CYBRD1: variants seen among roughly 807,000 people sequenced by gnomAD.
CYBRD1 encodes plasma membrane ascorbate-dependent reductase CYBRD1.
CYBRD1 carries 14 observed loss-of-function variants against 21.9 expected under a neutral mutation model. The ratio of observed to expected loss-of-function variants is 0.64; its 90% CI spans 0.42 to 1.00. The LOEUF is 1.00. Among genes scored for constraint, CYBRD1 ranks in the 50% least tolerant of loss-of-function variants. The pLI is 0.00. For synonymous variants in CYBRD1, 146 were observed against 136.5 expected, an observed-to-expected ratio of 1.07 and a Z score of -0.48; for missense variants, 328 against 352.5, an observed-to-expected ratio of 0.93 and a Z score of 0.56.
At chr2:171,553,272 T>C (rs1459754516) in intron 2 of CYBRD1, 74 bp from the exon 3 acceptor site, 13 of 1,544,140 alleles carry the variant, frequency 8.4e-6, no homozygotes, top group African/African-American at 1.4e-5. Context: ...ATTACACATA[T>C]TGCTTTTTAA....
intron 2 of CYBRD1, among the ~76,000 whole-genome samples, chr2:171,546,492 A>AT (rs1464300517): frequency 2.0e-5 from 3 of 152,058 alleles, no homozygotes; most frequent in Non-Finnish European, 2.9e-5. Flanking sequence ...AAGAACATGC[A>AT]TTTTTTGTCA....
At chr2:171,545,236 C>T (rs936260073) in intron 2 of CYBRD1, among the ~76,000 whole-genome samples, 2 of 151,744 alleles carry the variant, frequency 1.3e-5, no homozygotes, top group Admixed American at 6.6e-5. Context: ...AAGAATGCTT[C>T]TAATATTTTA....
At chr2:171,533,859 C>T (rs1363451926) in intron 1 of CYBRD1, among the ~76,000 whole-genome samples, 1 of 150,244 alleles carries the variant, frequency 6.7e-6, no homozygotes, top group Non-Finnish European at 1.5e-5. Flanking sequence ...TGTGAGCCAC[C>T]ATGCCCGGCT....
In CYBRD1 at chr2:171,522,529, C is replaced by G; in HGVS notation, c.-17C>G. The G allele has an allele frequency of 6.3e-7, 1 of 1,584,078 alleles. No homozygotes were observed. Among genetic ancestry groups the G allele is most frequent in the Non-Finnish European group, 8.6e-7 (1 of 1,166,338 alleles). The stretch of plus-strand genomic sequence containing the variant: ...CCAAGTTCTTGTGGCCCCCGCGGTG[C>G]GGAGTATGGGGCGCTGATGGCCATG... On this transcript the variant is annotated 5_prime_UTR_variant, in exon 1 of 4. Coordinates refer to ENST00000321348, the MANE Select transcript of CYBRD1 (RefSeq NM_024843.4). The surrounding 1 kb of genome is among the most constrained non-coding windows in gnomAD (Gnocchi z 4.3).
chr2:171,545,175 T>G (rs980330327), intron 2 of CYBRD1, among the ~76,000 whole-genome samples: 2 of 151,918 alleles, frequency 1.3e-5, no homozygotes, highest in African/African-American at 4.8e-5. Flanking sequence ...TGACTATTTT[T>G]TATTTTAAAG....
chr2:171,523,111 C>T (rs1697333270), intron 1 of CYBRD1: 1 of 330,704 alleles, frequency 3.0e-6, no homozygotes, highest in Non-Finnish European at 6.0e-6. Flanking sequence ...TGCCGGAGCG[C>T]CGCGCAGTCG....
intron 2 of CYBRD1, among the ~76,000 whole-genome samples, chr2:171,547,839 G>A (rs559021753): frequency 5.9e-5 from 9 of 152,184 alleles, no homozygotes; most frequent in Admixed American, 3.9e-4. Context: ...ATAGAGGTTT[G>A]CTGAGCAGGG....
At chr2:171,530,854 C>T (rs761588430) in intron 1 of CYBRD1, among the ~76,000 whole-genome samples, 1 of 152,058 alleles carries the variant, frequency 6.6e-6, no homozygotes, top group Non-Finnish European at 1.5e-5. Flanking sequence ...AAATTTTTCC[C>T]TTAAAAGGTA....
At chr2:171,537,196 G>C (rs1697558146) in intron 1 of CYBRD1, among the ~76,000 whole-genome samples, 1 of 152,100 alleles carries the variant, frequency 6.6e-6, no homozygotes, top group Non-Finnish European at 1.5e-5. Context: ...TAATAAATGA[G>C]CCCAACACAG....
Position 171,555,088 on chromosome 2 carries a change from C to T in CYBRD1, c.*261C>T, listed in dbSNP as rs886090714. 1.8e-5 allele frequency: 9 copies of T among 498,396 alleles called. No homozygotes were observed. The highest frequency in any genetic ancestry group is 1.5e-4 in the East Asian group (4 of 26,558). 30.9% of individuals were successfully genotyped at this position (498,396 alleles called of 1,614,324 possible). ...CTTGTTGAGGACCACAACATTAGCACGGTGCCTTGTGCAGAATAGATACTC... is the reference window on the plus strand; with the variant it reads ...CTTGTTGAGGACCACAACATTAGCATGGTGCCTTGTGCAGAATAGATACTC... On this transcript the variant is annotated 3_prime_UTR_variant, in exon 4 of 4. Coordinates refer to ENST00000321348, the MANE Select transcript of CYBRD1 (RefSeq NM_024843.4).
At chr2:171,530,308 T>C (rs1697446178) in intron 1 of CYBRD1, among the ~76,000 whole-genome samples, 1 of 152,264 alleles carries the variant, frequency 6.6e-6, no homozygotes, top group South Asian at 2.1e-4. Flanking sequence ...ATATAGGCTA[T>C]AACAGTTATC....
chr2:171,552,777 T>C (rs778814886), intron 2 of CYBRD1, among the ~76,000 whole-genome samples: 2 of 152,362 alleles, frequency 1.3e-5, no homozygotes, highest in South Asian at 2.1e-4. Flanking sequence ...GCAGAATTCA[T>C]TTCTTTCTCA....
upstream of CYBRD1, chr2:171,522,424 C>G: frequency 6.6e-7 from 1 of 1,513,232 alleles, no homozygotes. This position sits in a 1 kb window ranked among gnomAD's most constrained non-coding sequence, Gnocchi z 4.3. Flanking sequence ...AAGTCCCTCC[C>G]CGCAGGCGGA....
At chr2:171,546,021 A>C (rs1430302573) in intron 2 of CYBRD1, among the ~76,000 whole-genome samples, 1 of 152,174 alleles carries the variant, frequency 6.6e-6, no homozygotes, top group Non-Finnish European at 1.5e-5. Flanking sequence ...TTGCTGTCTG[A>C]AATATCCAGA....
chr2:171,554,705 G>C lies in CYBRD1; in HGVS notation c.739G>C (p.Gly247Arg), dbSNP rs200587251. 5.0e-6 allele frequency: 8 copies of C among 1,614,022 alleles called. No homozygotes were observed. The part of the protein sequence containing the change: ...PNGGTEQGAR[G>R]SMPAYSGNNM... ...TGGAGGCACTGAACAGGGAGCAAGAGGTTCCATGCCAGCCTACTCTGGCAA... is the reference window on the plus strand; with the variant it reads ...TGGAGGCACTGAACAGGGAGCAAGACGTTCCATGCCAGCCTACTCTGGCAA... The change falls in exon 4 of 4, where the codon GGT becomes CGT. Residue 247 changes from glycine to arginine, a missense_variant. Physicochemically the swap from Gly to Arg is moderately radical, Grantham distance 125. Transcript: ENST00000321348.
intron 2 of CYBRD1, among the ~76,000 whole-genome samples, chr2:171,545,934 A>C (rs984076539): frequency 2.6e-5 from 4 of 152,196 alleles, no homozygotes; most frequent in African/African-American, 9.7e-5. Flanking sequence ...TTAACATCTT[A>C]ATGTAGTCAA....
intron 1 of CYBRD1, among the ~76,000 whole-genome samples, chr2:171,530,244 T>C (rs187870370): frequency 6.6e-6 from 1 of 152,330 alleles, no homozygotes; most frequent in Admixed American, 6.5e-5. Flanking sequence ...AATAAATATG[T>C]TGTTTTAAGT....
At chr2:171,528,991 C>T (rs866213617) in intron 1 of CYBRD1, among the ~76,000 whole-genome samples, 5 of 152,184 alleles carry the variant, frequency 3.3e-5, no homozygotes, top group South Asian at 2.1e-4. Context: ...TGTCTGTCTT[C>T]TCCTACTAGA....
At chr2:171,547,056 G>A (rs180741817) in intron 2 of CYBRD1, among the ~76,000 whole-genome samples, 66 of 152,308 alleles carry the variant, frequency 4.3e-4, no homozygotes, top group African/African-American at 1.5e-3. Context: ...GAATTAATGC[G>A]TGATGTAAAG....
Sources: gnomAD v4.1 joint callset for allele counts (sites outside exome capture counted in the v4.1 genomes callset) on GRCh38, gnomAD v4.1.1 for gene constraint, Gnocchi (gnomAD v3.1) non-coding constraint, MANE v1.5 for transcripts, NCBI Gene and HGNC (gene_info 2026-07-23, HGNC 2026-07-21) for gene names.